The following AP3S2 variants were observed in gnomAD, a reference collection of about 807,000 sequenced individuals.
AP3S2 encodes the protein AP-3 complex subunit sigma-2.
A neutral mutation model predicts 23.4 loss-of-function variants in AP3S2; 22 were observed. That is an observed-to-expected ratio of 0.94 (90% CI 0.67 to 1.34). AP3S2 has a LOEUF of 1.34. Among genes scored for constraint, AP3S2 ranks in the 40% most tolerant of loss-of-function variants. The pLI is 0.00. For synonymous variants in AP3S2, 86 were observed against 87.1 expected, an observed-to-expected ratio of 0.99 and a Z score of 0.07; for missense variants, 241 against 236.9, an observed-to-expected ratio of 1.02 and a Z score of -0.11.
chr15:89,867,577 T>G (rs1596207208), intron 4 of AP3S2, among the ~76,000 whole-genome samples: 3 of 114,368 alleles, frequency 2.6e-5, no homozygotes, highest in Admixed American at 1.7e-4. Flanking sequence ...GAGCGCCTCT[T>G]CCCAGCCGCC....
intron 4 of AP3S2, among the ~76,000 whole-genome samples, chr15:89,848,048 T>C (rs1299611756): frequency 6.6e-6 from 1 of 152,214 alleles, no homozygotes; most frequent in African/African-American, 2.4e-5. Context: ...TGTTAATGCA[T>C]GCCACATCCC....
chr15:89,880,395 T>C (rs926081989), intron 3 of AP3S2, among the ~76,000 whole-genome samples: 1 of 152,126 alleles, frequency 6.6e-6, no homozygotes, highest in African/African-American at 2.4e-5. Flanking sequence ...TGAAACTATA[T>C]TGAAACAATA....
chr15:89,871,524 TTATC>T lies in AP3S2; in HGVS notation c.292_295del (p.Asp98SerfsTer11). Reference sequence around the variant, plus strand: ...CAATTCACACACATTTTCGAAACACTTATCCAGAGTTTCCACAAAAACCTAGAAA... The same window carrying T: ...CAATTCACACACATTTTCGAAACACTCAGAGTTTCCACAAAAACCTAGAAA... On this transcript the variant is annotated frameshift_variant, in exon 4 of 6. Transcript: ENST00000336418. LOFTEE classifies it high-confidence loss of function. 1 of 1,613,592 alleles carries T rather than the reference TTATC, an allele frequency of 6.2e-7. No homozygotes were observed. Among genetic ancestry groups the T allele is most frequent in the Non-Finnish European group, 8.5e-7 (1 of 1,179,880 alleles).
chr15:89,887,657 C>T (rs946035636), intron 3 of AP3S2, among the ~76,000 whole-genome samples: 15 of 150,310 alleles, frequency 1.0e-4, no homozygotes, highest in Admixed American at 6.0e-4. Flanking sequence ...CCACCGCACC[C>T]GGCCTATTTA....
intron 4 of AP3S2, among the ~76,000 whole-genome samples, chr15:89,870,237 C>A (rs1896286889): frequency 1.3e-5 from 2 of 152,000 alleles, no homozygotes; most frequent in South Asian, 4.1e-4. Context: ...ATGAAAAGTA[C>A]AAAACAACTC....
intron 3 of AP3S2, among the ~76,000 whole-genome samples, chr15:89,876,278 G>T (rs1280620608): frequency 1.3e-5 from 2 of 152,110 alleles, no homozygotes; most frequent in African/African-American, 4.8e-5. Flanking sequence ...AATTAGCCAG[G>T]CGTGGTGATG....
rs76955767 is a variant in AP3S2, at chr15:89,838,016, C to G, written c.346-294G>C. On this transcript the variant is annotated intron_variant, in intron 4 of 5. Coordinates refer to ENST00000336418, the MANE Select transcript of AP3S2 (RefSeq NM_005829.5). ...TCTGCTACTTGCTAGCTGGGTGGCCCTGGGCAAATGACCTTTAAAGTGCTT... is the reference window on the plus strand; with the variant it reads ...TCTGCTACTTGCTAGCTGGGTGGCCGTGGGCAAATGACCTTTAAAGTGCTT... 404 of 347,860 alleles carry G rather than the reference C, an allele frequency of 1.2e-3. 2 individuals carry two copies. The highest frequency in any genetic ancestry group is 7.1e-3 in the African/African-American group (335 of 47,464). 21.5% of individuals were successfully genotyped at this position (347,860 alleles called of 1,614,324 possible).
chr15:89,888,512 T>C lies in AP3S2; in HGVS notation c.273+9A>G, dbSNP rs769644751. On this transcript the variant is annotated intron_variant, in intron 3 of 5. Coordinates refer to ENST00000336418, the MANE Select transcript of AP3S2 (RefSeq NM_005829.5). The stretch of plus-strand genomic sequence containing the variant: ...AAAGCTGCTGCCATCATTAGCTGAC[T>C]ACACATACCTGGATGAGGTCCAAGA... 1 of 1,613,454 alleles carries C rather than the reference T, an allele frequency of 6.2e-7. No homozygotes were observed. The highest frequency in any genetic ancestry group is 1.1e-5 in the South Asian group (1 of 91,036).
intron 4 of AP3S2, among the ~76,000 whole-genome samples, chr15:89,855,850 GAAAAAAAA>G (rs777406522): frequency 1.3e-5 from 1 of 74,420 alleles, no homozygotes; most frequent in Non-Finnish European, 2.7e-5. Flanking sequence ...AACTCCATCA[GAAAAAAAA>G]AAAAAAAGGA....
At chr15:89,869,863 C>A (rs572014507) in intron 4 of AP3S2, among the ~76,000 whole-genome samples, 47 of 152,096 alleles carry the variant, frequency 3.1e-4, no homozygotes, top group Non-Finnish European at 6.3e-4. Flanking sequence ...AAGCGATTCT[C>A]CTGAATAGCT....
chr15:89,868,385 G>T (rs1466500698), intron 4 of AP3S2, among the ~76,000 whole-genome samples: 2 of 40,058 alleles, frequency 5.0e-5, no homozygotes, highest in Non-Finnish European at 1.1e-4. Context: ...GTCCGGGAGG[G>T]AGGTGGGGGG....
At chr15:89,877,617 G>A (rs1186577576) in intron 3 of AP3S2, among the ~76,000 whole-genome samples, 1 of 152,128 alleles carries the variant, frequency 6.6e-6, no homozygotes, top group Non-Finnish European at 1.5e-5. Context: ...GGGAGGGCGA[G>A]GCAGGTGGAT....
intron 4 of AP3S2, among the ~76,000 whole-genome samples, chr15:89,858,485 AAGAAAGAAAGAGAGAGAGAGAGAG>A (rs1187289170): frequency 4.9e-4 from 19 of 38,904 alleles, no homozygotes; most frequent in African/African-American, 1.2e-3. Flanking sequence ...GAAAGAAAGA[AAGAAAGAAAGAGAGAGAGAGAGAG>A]AGAGAGAGAG....
intron 3 of AP3S2, among the ~76,000 whole-genome samples, chr15:89,871,747 A>G (rs1896323900): frequency 1.3e-5 from 2 of 152,246 alleles, no homozygotes; most frequent in African/African-American, 4.8e-5. Flanking sequence ...AATCTAGGAC[A>G]GGAAAACCTT....
At chr15:89,846,186 G>C (rs1316486814) in intron 4 of AP3S2, among the ~76,000 whole-genome samples, 1 of 152,200 alleles carries the variant, frequency 6.6e-6, no homozygotes, top group African/African-American at 2.4e-5. Context: ...TTTAGTGAGT[G>C]AAAGTCGGTG....
intron 4 of AP3S2, among the ~76,000 whole-genome samples, chr15:89,868,404 T>C (rs1388346240): frequency 1.0e-3 from 33 of 32,030 alleles, no homozygotes; most frequent in African/African-American, 1.5e-3. Flanking sequence ...GGGTCAGCCC[T>C]CCGCCCGGCC....
intron 4 of AP3S2, among the ~76,000 whole-genome samples, chr15:89,838,636 G>A (rs766071534): frequency 6.6e-6 from 1 of 152,154 alleles, no homozygotes; most frequent in Non-Finnish European, 1.5e-5. Flanking sequence ...AGGTGCTTTC[G>A]GTCAAGTTGG....
intron 4 of AP3S2, among the ~76,000 whole-genome samples, chr15:89,859,783 A>T (rs1456170755): frequency 5.0e-4 from 54 of 108,862 alleles, no homozygotes; most frequent in Admixed American, 3.7e-3. Context: ...TTTTTTTCTG[A>T]GATGGAGTCT....
intron 4 of AP3S2, among the ~76,000 whole-genome samples, chr15:89,867,335 G>A (rs1224416195): frequency 1.7e-4 from 26 of 151,588 alleles, no homozygotes; most frequent in African/African-American, 5.6e-4. Flanking sequence ...CCAGGCTGGA[G>A]TGCAGTGGCG....
Sources: allele counts gnomAD v4.1 joint callset (sites outside exome capture counted in the v4.1 genomes callset), GRCh38; gene constraint gnomAD v4.1.1; transcripts MANE v1.5; gene names NCBI Gene and HGNC (gene_info 2026-07-23, HGNC 2026-07-21).